The following ARID2 variants were observed in gnomAD, a reference collection of about 807,000 sequenced individuals.
The protein encoded by ARID2 is AT-rich interactive domain-containing protein 2.
In ARID2, 32 loss-of-function variants were observed where a neutral mutation model predicts 184.6. The ratio of observed to expected loss-of-function variants is 0.17; its 90% CI spans 0.13 to 0.23. The LOEUF (loss-of-function observed/expected upper bound fraction) is 0.23. Among genes scored for constraint, ARID2 ranks in the 10% least tolerant of loss-of-function variants. The pLI is 1.00. For missense variants in ARID2, 1,696 were observed against 2,197.6 expected (o/e 0.77, Z 4.56); for synonymous variants, 836 against 772.6 (o/e 1.08, Z -1.36).
intron 2 of ARID2, among the ~76,000 whole-genome samples, chr12:45,730,450 C>T (rs1940963315): frequency 6.9e-6 from 1 of 145,118 alleles, no homozygotes; most frequent in Admixed American, 6.9e-5. Flanking sequence ...GGGCGCCAGC[C>T]TGAGCCCCGC....
chr12:45,829,238 T>G (rs1464842203), intron 6 of ARID2, among the ~76,000 whole-genome samples: 2 of 152,040 alleles, frequency 1.3e-5, no homozygotes, highest in Non-Finnish European at 2.9e-5. Context: ...TTTTCATTGG[T>G]TTATTTGCCC....
intron 3 of ARID2, among the ~76,000 whole-genome samples, chr12:45,784,542 G>A (rs1458145671): frequency 6.6e-6 from 1 of 152,092 alleles, no homozygotes; most frequent in Non-Finnish European, 1.5e-5. Flanking sequence ...GCTGGGTATG[G>A]TCCCAGCTAC....
intron 6 of ARID2, among the ~76,000 whole-genome samples, chr12:45,823,368 A>G (rs1274942345): frequency 6.6e-5 from 10 of 152,138 alleles, no homozygotes; most frequent in Admixed American, 5.2e-4. Flanking sequence ...TTTCAAATAA[A>G]CAACCTAATG....
intron 2 of ARID2, 99 bp downstream of exon 2, chr12:45,730,236 G>A: frequency 8.3e-7 from 1 of 1,206,284 alleles, no homozygotes; most frequent in Non-Finnish European, 1.2e-6. Context: ...GGGGTGGCCC[G>A]CGGGGGCAAA....
chr12:45,746,501 T>A (rs1219374224), intron 3 of ARID2, among the ~76,000 whole-genome samples: 1 of 152,132 alleles, frequency 6.6e-6, no homozygotes, highest in Non-Finnish European at 1.5e-5. Flanking sequence ...GTTTTTTTTT[T>A]AAGTATTTTT....
chr12:45,850,619 A>G lies in ARID2; in HGVS notation c.2496A>G (p.Ser832=). 1 of 1,614,142 alleles carries G rather than the reference A, an allele frequency of 6.2e-7. No individual in the cohort carries two copies. The highest frequency in any genetic ancestry group is 8.5e-7 in the Non-Finnish European group (1 of 1,179,998). Residue 832 remains serine (S), a synonymous_variant, in exon 15 of 21, where the codon TCA becomes TCG. Transcript: ENST00000334344. ...CATCACCCCAACCTGTGCAAACTTC[A>G]TCTCAACAGACATCAGCTGGTAGCC... ...ITTSPQPVQT[S]SQQTSAGSQS... is the part of the protein sequence containing the mutation.
chr12:45,847,475 G>A (rs756803965), intron 12 of ARID2, among the ~76,000 whole-genome samples: 1 of 151,976 alleles, frequency 6.6e-6, no homozygotes, highest in Non-Finnish European at 1.5e-5. Flanking sequence ...TGAAAAGATT[G>A]TGTAGTCCTA....
rs556438337 is a variant in ARID2 at position 45,824,331 on chromosome 12, GGAAAAACTGAAAGCTTTTCCTT to G, written c.705+2857_705+2878del. Among the ~76,000 whole-genome samples, 60 of 151,872 alleles carry G rather than the reference GGAAAAACTGAAAGCTTTTCCTT, an allele frequency of 4.0e-4. No homozygotes were observed. In the East Asian group the frequency reaches 8.3e-3, roughly 21 times the overall value. On this transcript the variant is annotated intron_variant, in intron 6 of 20. Coordinates refer to ENST00000334344, the MANE Select transcript of ARID2 (RefSeq NM_152641.4). ...TGAGATAATCATCATACCAAATAGG[GGAAAAACTGAAAGCTTTTCCTT>G]GAAAAACTGAAATAAGATGAGGACA...
At chr12:45,731,971 T>A (rs1941012427) in intron 3 of ARID2, among the ~76,000 whole-genome samples, 1 of 152,010 alleles carries the variant, frequency 6.6e-6, no homozygotes, top group South Asian at 2.1e-4. Flanking sequence ...GGATTTTCTT[T>A]CATTCTCCCT....
At chr12:45,792,481 A>T (rs1942310626) in intron 3 of ARID2, among the ~76,000 whole-genome samples, 1 of 152,198 alleles carries the variant, frequency 6.6e-6, no homozygotes, top group Non-Finnish European at 1.5e-5. Flanking sequence ...GTGCTTAAGT[A>T]TGTTGTGCAT....
chr12:45,831,552 T>C (rs1468282524), intron 6 of ARID2, among the ~76,000 whole-genome samples: 2 of 152,178 alleles, frequency 1.3e-5, no homozygotes, highest in Non-Finnish European at 2.9e-5. Flanking sequence ...TTTAGTTATT[T>C]TTAAACATAC....
chr12:45,766,742 C>T (rs1941778098), intron 3 of ARID2, among the ~76,000 whole-genome samples: 2 of 152,096 alleles, frequency 1.3e-5, no homozygotes, highest in South Asian at 4.1e-4. Context: ...TCTCGATCTC[C>T]TGACCTTGTG....
chr12:45,819,495 G>A (rs1261346089), intron 5 of ARID2, among the ~76,000 whole-genome samples: 2 of 152,060 alleles, frequency 1.3e-5, no homozygotes, highest in Non-Finnish European at 2.9e-5. Context: ...TTTGAAGGTT[G>A]TAGACATATT....
chr12:45,739,678 AT>A (rs746354664), intron 3 of ARID2, among the ~76,000 whole-genome samples: 11 of 151,872 alleles, frequency 7.2e-5, no homozygotes, highest in Non-Finnish European at 1.6e-4. Context: ...CACAAAGATG[AT>A]CTTTATTAAA....
rs181055163 is a variant in ARID2, at chr12:45,819,767, A to G, written c.638-1653A>G. ...TTTGGGTTTTTTTTTTTTAAGAGACAGAACCTTGCTCTGTCCCCTAGGCTG... is the reference window on the plus strand; with the variant it reads ...TTTGGGTTTTTTTTTTTTAAGAGACGGAACCTTGCTCTGTCCCCTAGGCTG... On this transcript the variant is annotated intron_variant, in intron 5 of 20. Transcript: ENST00000334344. 5.4e-4 allele frequency among the ~76,000 whole-genome samples: 81 copies of G among 151,252 alleles called. No homozygotes were observed. The Middle Eastern group carries it at 0.014, about 25-fold the overall frequency.
At chr12:45,808,749 GTGTGTGTGTGTA>G (rs1942647199) in intron 3 of ARID2, among the ~76,000 whole-genome samples, 1 of 151,784 alleles carries the variant, frequency 6.6e-6, no homozygotes, top group South Asian at 2.1e-4. Context: ...GTGTGTGTGT[GTGTGTGTGTGTA>G]TGTGTGTGTG....
intron 4 of ARID2, among the ~76,000 whole-genome samples, chr12:45,813,485 GA>G (rs1423525903): frequency 6.8e-6 from 1 of 147,452 alleles, no homozygotes; most frequent in Non-Finnish European, 1.5e-5. Flanking sequence ...CCACCAAAAT[GA>G]AATTATCTAA....
chr12:45,796,283 T>C (rs1942391998), intron 3 of ARID2, among the ~76,000 whole-genome samples: 1 of 152,092 alleles, frequency 6.6e-6, no homozygotes, highest in African/African-American at 2.4e-5. Context: ...TAAAATATTT[T>C]TACATGTTAT....
In ARID2 at chr12:45,819,222, C is replaced by T. The variant is rs1942855299; in HGVS notation, c.637+1334C>T. The stretch of plus-strand genomic sequence containing the variant: ...AAGTTGGGTATATGATAGAAGTAAT[C>T]TTACCAGTTTGGGTGCTCTAAGACA... On this transcript the variant is annotated intron_variant, in intron 5 of 20. Transcript: ENST00000334344. Among the ~76,000 whole-genome samples the T allele has an allele frequency of 2.6e-5, 4 of 152,228 alleles. No individual in the cohort carries two copies. The South Asian group carries it at 8.3e-4, about 32-fold the overall frequency.
Sources: gnomAD v4.1 joint callset for allele counts (sites outside exome capture counted in the v4.1 genomes callset) on GRCh38, gnomAD v4.1.1 for gene constraint, MANE v1.5 for transcripts, NCBI Gene and HGNC (gene_info 2026-07-23, HGNC 2026-07-21) for gene names.